CDC23: variants seen among roughly 807,000 people sequenced by gnomAD.
CDC23 encodes cell division cycle protein 23 homolog.
A neutral mutation model predicts 81.7 loss-of-function variants in CDC23; 26 were observed. That is an observed-to-expected ratio of 0.32 (90% CI 0.23 to 0.44). CDC23 has a LOEUF of 0.44. CDC23 is among the 20% of genes least tolerant of loss of function. CDC23 has a pLI of 1.00. For missense variants in CDC23, 519 were observed against 728.0 expected (o/e 0.71, Z 3.30); for synonymous variants, 267 against 270.8 (o/e 0.99, Z 0.14).
intron 9 of CDC23, among the ~76,000 whole-genome samples, chr5:138,195,405 C>G (rs190161941): frequency 6.7e-6 from 1 of 148,462 alleles, no homozygotes; most frequent in African/African-American, 2.5e-5. Context: ...CAAGATTACA[C>G]AGCTAGTTAG....
intron 9 of CDC23, among the ~76,000 whole-genome samples, chr5:138,197,546 G>C (rs1329509562): frequency 1.3e-5 from 2 of 148,928 alleles, no homozygotes; most frequent in Non-Finnish European, 1.5e-5. Flanking sequence ...GCCCAGGCTG[G>C]AGTGTAGTGG....
rs139665752 is a variant in CDC23 at position 138,204,243 on chromosome 5, G to A, written c.373-2088C>T. 6.4e-4 allele frequency among the ~76,000 whole-genome samples: 98 copies of A among 152,068 alleles called. 1 individual carries two copies. In the East Asian group the frequency reaches 0.015, roughly 23 times the overall value. ...AGAAGTGCCAGGCACAGTGGCTCAC[G>A]CCTGTAATCCCAGCACTTTGGGAGG... On this transcript the variant is annotated intron_variant, in intron 3 of 15. Transcript: ENST00000394886.
At position 138,213,240 on chromosome 5, in the gene CDC23, C is replaced by T; in HGVS notation, c.73G>A (p.Asp25Asn). ...TTAATTTCCCGCAAATCTGAGAAAT[C>T]GCTGTTTATGGACAGGACAGGCGCC... ...AVAPVLSINS[D>N]FSDLREIKKQ... Residue 25 changes from aspartate to asparagine, a missense_variant, in exon 1 of 16, where the codon GAT becomes AAT. This residue lies in a region of CDC23 where 126 missense variants were observed against 116.2 expected (regional missense o/e 1.08). Coordinates refer to ENST00000394886, the MANE Select transcript of CDC23 (RefSeq NM_004661.4). 6.2e-7 allele frequency: 1 copy of T among 1,614,148 alleles called. No homozygotes were observed. Among genetic ancestry groups the T allele is most frequent in the Non-Finnish European group, 8.5e-7 (1 of 1,180,040 alleles).
chr5:138,189,289 C>T, intron 15 of CDC23, 141 bp from the exon 16 acceptor site: 2 of 729,238 alleles, frequency 2.7e-6, no homozygotes, highest in Non-Finnish European at 4.5e-6. Context: ...TGGAGTCTCA[C>T]TGTGTCACCC....
Position 138,192,541 on chromosome 5 carries a change from C to T in CDC23, c.1129G>A (p.Glu377Lys). ...AWTLMGHEYM[E>K]MKNTSAAIQA... ...ATAGCAGCAGACGTGTTCTTCATCT[C>T]CATGTACTCATGTCCCATTAGTGTC... is the stretch of plus-strand genomic sequence containing the variant. The change falls in exon 10 of 16, where the codon GAG becomes AAG. Residue 377 changes from glutamate to lysine, a missense_variant. Transcript: ENST00000394886. 6.2e-7 allele frequency: 1 copy of T among 1,614,176 alleles called. No homozygotes were observed. The highest frequency in any genetic ancestry group is 8.5e-7 in the Non-Finnish European group (1 of 1,180,040).
At chr5:138,195,690 AAT>A (rs1351845092) in intron 9 of CDC23, among the ~76,000 whole-genome samples, 2 of 84,724 alleles carry the variant, frequency 2.4e-5, no homozygotes, top group Non-Finnish European at 4.6e-5. Context: ...ATATACATAT[AAT>A]ATATATGCAT....
chr5:138,198,929 A>G (rs1244973572), intron 6 of CDC23, 147 bp from the exon 7 acceptor site: 8 of 731,958 alleles, frequency 1.1e-5, no homozygotes, highest in Non-Finnish European at 1.7e-5. Context: ...AGTCCAATTA[A>G]CTGAATATGA....
chr5:138,211,217 C>T (rs1755109437), intron 2 of CDC23, among the ~76,000 whole-genome samples: 1 of 152,154 alleles, frequency 6.6e-6, no homozygotes, highest in African/African-American at 2.4e-5. Flanking sequence ...TTTGCAGTAA[C>T]ATGGATGCAG....
At chr5:138,203,289 G>A (rs1032364708) in intron 3 of CDC23, among the ~76,000 whole-genome samples, 5 of 152,162 alleles carry the variant, frequency 3.3e-5, no homozygotes, top group African/African-American at 9.7e-5. Flanking sequence ...CTGGTTCATT[G>A]ATTACAACAA....
In CDC23 at chr5:138,189,201, A is replaced by G; in HGVS notation, c.1624-53T>C. ...AAACATGTCCAAAGCTAGTCTCGAA[A>G]ACAAGTTATTAAGATGCTGTTAAAC... On this transcript the variant is annotated intron_variant, in intron 15 of 15. Transcript: ENST00000394886. The G allele has an allele frequency of 2.6e-6, 4 of 1,544,132 alleles. No individual in the cohort carries two copies. In the South Asian group the frequency reaches 3.5e-5, roughly 14 times the overall value.
intron 3 of CDC23, among the ~76,000 whole-genome samples, chr5:138,203,538 A>T (rs1313523868): frequency 2.0e-5 from 3 of 152,230 alleles, no homozygotes; most frequent in Non-Finnish European, 4.4e-5. Context: ...AGATTAGCGG[A>T]GATTAAAGAG....
chr5:138,205,113 C>T (rs1561637024), intron 3 of CDC23, among the ~76,000 whole-genome samples: 1 of 152,200 alleles, frequency 6.6e-6, no homozygotes, highest in East Asian at 1.9e-4. Context: ...CGGGGTTTCA[C>T]CATGCCGCCC....
Position 138,192,406 on chromosome 5 carries a change from C to T in CDC23, c.1167-18G>A, listed in dbSNP as rs940532702. 4 of 1,614,050 alleles carry T rather than the reference C, an allele frequency of 2.5e-6. No homozygotes were observed. The highest frequency in any genetic ancestry group is 2.5e-6 in the Non-Finnish European group (3 of 1,180,036). On this transcript the variant is annotated intron_variant, in intron 10 of 15. Transcript: ENST00000394886. Reference sequence around the variant, plus strand: ...TGGCATGTCTAAGAAATGGAAAAGACAGGTTGTTAAGAAGGCAGAATCAAG... The same window carrying T: ...TGGCATGTCTAAGAAATGGAAAAGATAGGTTGTTAAGAAGGCAGAATCAAG...
rs1379787092 is a variant in CDC23 at position 138,213,285 on chromosome 5, C to T, written c.28G>A (p.Val10Met). 1.2e-6 allele frequency: 2 copies of T among 1,613,960 alleles called. No individual in the cohort carries two copies. The highest frequency in any genetic ancestry group is 2.7e-5 in the African/African-American group (2 of 74,938). ...GGCGCCACTGCCGCCGTCACAGCCA[C>T]CGGGACCATGGAGGTACTCGCAGCC... Reference protein sequence around the residue: MAASTSMVPVAVTAAVAPVL... With the variant: MAASTSMVPMAVTAAVAPVL... Residue 10 changes from valine (V) to methionine (M), a missense_variant, in exon 1 of 16, where the codon GTG (valine) becomes ATG (methionine). Physicochemically the swap from Val to Met is conservative, Grantham distance 21. Around this residue, in one of 4 missense-constraint regions of CDC23, gnomAD observed 126 missense variants for 116.2 expected, o/e 1.08. Transcript: ENST00000394886.
chr5:138,197,953 G>GGTTT (rs569032125), intron 9 of CDC23, among the ~76,000 whole-genome samples: 25 of 152,120 alleles, frequency 1.6e-4, no homozygotes, highest in Admixed American at 5.9e-4. Context: ...TTTGCTTGTT[G>GGTTT]GTTTGTTTGT....
intron 3 of CDC23, chr5:138,205,969 A>G (rs1329111881): frequency 6.6e-6 from 1 of 152,312 alleles, no homozygotes; most frequent in Non-Finnish European, 1.5e-5. Context: ...TTTGGTCCCA[A>G]GCACTTCAAA....
At chr5:138,198,870 G>T in intron 6 of CDC23, 88 bp from the exon 7 acceptor site, 1 of 1,356,330 alleles carries the variant, frequency 7.4e-7, no homozygotes, top group Non-Finnish European at 1.0e-6. Context: ...TTATCTAAAG[G>T]AATTTATCAC....
At chr5:138,192,757 C>T in intron 9 of CDC23, 100 bp from the exon 10 acceptor site, 1 of 1,045,074 alleles carries the variant, frequency 9.6e-7, no homozygotes, top group East Asian at 2.6e-5. Context: ...AAACCATAAC[C>T]CATTCCCTCT....
chr5:138,202,264 C>G (rs959361944), intron 3 of CDC23, 109 bp from the exon 4 acceptor site: 4 of 709,802 alleles, frequency 5.6e-6, no homozygotes, highest in African/African-American at 5.5e-5. Context: ...AAAATGGCAT[C>G]GACTTTTGGT....
Sources: allele counts gnomAD v4.1 joint callset (sites outside exome capture counted in the v4.1 genomes callset), GRCh38; gene constraint gnomAD v4.1.1; regional missense constraint gnomAD v4.1.1; transcripts MANE v1.5; gene names NCBI Gene and HGNC (gene_info 2026-07-23, HGNC 2026-07-21).